CACNA2D1: variants seen among roughly 807,000 people sequenced by gnomAD.
CACNA2D1 encodes the protein voltage-dependent calcium channel subunit alpha-2/delta-1.
CACNA2D1 carries 53 observed loss-of-function variants against 171.5 expected under a neutral mutation model. That is an observed-to-expected ratio of 0.31 (90% CI 0.25 to 0.39). The LOEUF (loss-of-function observed/expected upper bound fraction) is 0.39. Ranked by LOEUF, CACNA2D1 falls within the 10% of genes least tolerant of loss-of-function variation. CACNA2D1 has a pLI of 1.00. For synonymous variants in CACNA2D1, 442 were observed against 443.1 expected (o/e 1.00, Z 0.03); for missense variants, 903 against 1,299.8 (o/e 0.69, Z 4.69).
chr7:82,426,528 T>A (rs951944525), intron 1 of CACNA2D1, among the ~76,000 whole-genome samples: 2 of 152,194 alleles, frequency 1.3e-5, no homozygotes, highest in Non-Finnish European at 2.9e-5. Context: ...CATTTATTAC[T>A]CAAGGTAAAC....
intron 4 of CACNA2D1, among the ~76,000 whole-genome samples, chr7:82,145,334 T>C (rs896887885): frequency 2.1e-5 from 3 of 144,898 alleles, no homozygotes; most frequent in Non-Finnish European, 3.0e-5. Flanking sequence ...ATAAATTGTA[T>C]ATAATATATA....
At chr7:81,977,980 G>GA in intron 24 of CACNA2D1, among the ~76,000 whole-genome samples, 1 of 152,216 alleles carries the variant, frequency 6.6e-6, no homozygotes, top group Non-Finnish European at 1.5e-5. Flanking sequence ...ACAAACATAT[G>GA]AAAAAAAGCT....
chr7:82,388,653 T>C (rs1208300577), intron 1 of CACNA2D1, among the ~76,000 whole-genome samples: 1 of 152,166 alleles, frequency 6.6e-6, no homozygotes, highest in Admixed American at 6.5e-5. Flanking sequence ...GAAAAAAAGT[T>C]TGCTTAAAGT....
intron 10 of CACNA2D1, among the ~76,000 whole-genome samples, chr7:82,060,154 T>A (rs12670217): frequency 5.7e-5 from 2 of 34,790 alleles, no homozygotes; most frequent in East Asian, 1.4e-3. Context: ...ATATATGTAT[T>A]ATATATATAT....
chr7:82,132,718 T>A (rs562719659), intron 5 of CACNA2D1, among the ~76,000 whole-genome samples: 1 of 152,190 alleles, frequency 6.6e-6, no homozygotes, highest in African/African-American at 2.4e-5. Flanking sequence ...ATCCAGAATG[T>A]TCCTAGAGAG....
intron 1 of CACNA2D1, among the ~76,000 whole-genome samples, chr7:82,432,483 T>C (rs1829771293): frequency 6.6e-6 from 1 of 152,254 alleles, no homozygotes. Flanking sequence ...ACCAAGGATA[T>C]GCTTTGCAGG....
chr7:82,205,804 A>G (rs921820138), intron 3 of CACNA2D1, among the ~76,000 whole-genome samples: 2 of 152,202 alleles, frequency 1.3e-5, no homozygotes, highest in African/African-American at 4.8e-5. Flanking sequence ...AGGTAACCAC[A>G]GAGCAGTGAT....
At chr7:82,366,274 C>G (rs6467893) in intron 1 of CACNA2D1, among the ~76,000 whole-genome samples, 111,985 of 151,996 alleles carry the variant, frequency 0.74, 41,633 homozygotes, top group African/African-American at 0.85. Flanking sequence ...TTGTTATATG[C>G]GTATATTGTG....
intron 6 of CACNA2D1, among the ~76,000 whole-genome samples, chr7:82,092,540 C>CTTTTTTTTTTTTTTTTT: frequency 1.9e-5 from 2 of 102,702 alleles, no homozygotes; most frequent in Non-Finnish European, 3.6e-5. Context: ...GCCCAGCTAA[C>CTTTTTTTTTTTTTTTTT]TTTTTTTTTT....
chr7:82,266,705 T>G (rs1807903392), intron 3 of CACNA2D1, among the ~76,000 whole-genome samples: 1 of 152,030 alleles, frequency 6.6e-6, no homozygotes, highest in Admixed American at 6.6e-5. Context: ...TTAGCAGAGA[T>G]GAGGTTTCAC....
At chr7:81,977,484 A>G (rs1345189465) in intron 24 of CACNA2D1, among the ~76,000 whole-genome samples, 1 of 152,162 alleles carries the variant, frequency 6.6e-6, no homozygotes, top group African/African-American at 2.4e-5. Flanking sequence ...AAAACAAGCA[A>G]TAGGGAAAAG....
rs1231210634 is a variant in CACNA2D1 at position 82,242,395 on chromosome 7, ACAG to A, written c.295-71789_295-71787del. 5.9e-5 allele frequency among the ~76,000 whole-genome samples: 9 copies of A among 152,294 alleles called. No individual in the cohort carries two copies. The East Asian group carries it at 1.7e-3, about 29-fold the overall frequency. Reference sequence around the variant, plus strand: ...ACAAAGCTAACTATATGGAGCAGCCACAGCAGTTCTCACAATGTGAGAATAAAC... The same window carrying A: ...ACAAAGCTAACTATATGGAGCAGCCACAGTTCTCACAATGTGAGAATAAAC... On this transcript the variant is annotated intron_variant, in intron 3 of 38. Transcript: ENST00000356860.
chr7:82,313,197 C>T (rs1396606332), intron 3 of CACNA2D1, among the ~76,000 whole-genome samples: 1 of 152,096 alleles, frequency 6.6e-6, no homozygotes, highest in African/African-American at 2.4e-5. Flanking sequence ...CCCAAATTTC[C>T]CCATAGCTAC....
At chr7:82,234,767 T>C (rs1803350254) in intron 3 of CACNA2D1, among the ~76,000 whole-genome samples, 1 of 152,188 alleles carries the variant, frequency 6.6e-6, no homozygotes, top group Admixed American at 6.5e-5. Context: ...ACAAACCTGA[T>C]TTTTGAAAGT....
chr7:82,111,893 T>C (rs1788521681), intron 6 of CACNA2D1, among the ~76,000 whole-genome samples: 1 of 152,188 alleles, frequency 6.6e-6, no homozygotes. Flanking sequence ...TTCTAACATA[T>C]TGTTTTTTAA....
chr7:82,351,632 A>G (rs1819859830), intron 1 of CACNA2D1, among the ~76,000 whole-genome samples: 1 of 152,184 alleles, frequency 6.6e-6, no homozygotes, highest in Non-Finnish European at 1.5e-5. Flanking sequence ...GGAATAATGT[A>G]TAAAATAGAG....
chr7:81,985,359 G>A (rs1031488242), intron 21 of CACNA2D1, among the ~76,000 whole-genome samples: 1 of 151,724 alleles, frequency 6.6e-6, no homozygotes, highest in South Asian at 2.1e-4. Context: ...ATGCCACCAC[G>A]CCCAGCTAAT....
chr7:82,414,908 T>C (rs1271670012), intron 1 of CACNA2D1, among the ~76,000 whole-genome samples: 1 of 152,182 alleles, frequency 6.6e-6, no homozygotes, highest in Non-Finnish European at 1.5e-5. Context: ...ATGCACATAT[T>C]AACAAATTCA....
intron 3 of CACNA2D1, among the ~76,000 whole-genome samples, chr7:82,238,238 T>C (rs1803849629): frequency 6.6e-6 from 1 of 152,070 alleles, no homozygotes; most frequent in Non-Finnish European, 1.5e-5. Flanking sequence ...ATGCTATCAC[T>C]AGCGAGGGGA....
Sources: allele counts gnomAD v4.1 joint callset (sites outside exome capture counted in the v4.1 genomes callset), GRCh38; gene constraint gnomAD v4.1.1; transcripts MANE v1.5; gene names NCBI Gene and HGNC (gene_info 2026-07-23, HGNC 2026-07-21).